PRP4K: variants seen among roughly 807,000 people sequenced by gnomAD.
PRP4K encodes serine/threonine-protein kinase PRP4 homolog.
the PRP4K span, chr6:4,040,742 A>C: frequency 8.1e-6 from 13 of 1,603,448 alleles, 1 homozygote; most frequent in South Asian, 1.4e-4. Context: ...ATTTAAAAAA[A>C]TGTATACCTG....
chr6:4,043,721 C>T, the PRP4K span: 3 of 1,215,492 alleles, frequency 2.5e-6, no homozygotes, highest in Non-Finnish European at 3.5e-6. Flanking sequence ...GATACGTTCT[C>T]TTAACTTTTC....
At chr6:4,045,308 A>C in the PRP4K span, among the ~76,000 whole-genome samples, 5 of 152,346 alleles carry the variant, frequency 3.3e-5, no homozygotes, top group Admixed American at 6.5e-5. Context: ...TACAGAAAGA[A>C]GCAGCCAGCT....
the PRP4K span, among the ~76,000 whole-genome samples, chr6:4,053,813 G>A: frequency 6.6e-6 from 1 of 152,176 alleles, no homozygotes; most frequent in African/African-American, 2.4e-5. Context: ...GAGAGATCCT[G>A]AAGACTAAAA....
the PRP4K span, chr6:4,043,753 G>T: frequency 1.3e-6 from 2 of 1,495,424 alleles, no homozygotes; most frequent in Non-Finnish European, 1.8e-6. Context: ...TCTTAGCCAT[G>T]AATGTATTTG....
chr6:4,057,530 G>A, the PRP4K span, among the ~76,000 whole-genome samples: 1 of 152,190 alleles, frequency 6.6e-6, no homozygotes, highest in African/African-American at 2.4e-5. Context: ...AGTGGTCAGA[G>A]AATGAATAGG....
chr6:4,055,102 G>T, the PRP4K span, among the ~76,000 whole-genome samples: 1 of 152,170 alleles, frequency 6.6e-6, no homozygotes, highest in Non-Finnish European at 1.5e-5. Context: ...GTATCAGTGT[G>T]GTTTAAGTAC....
the PRP4K span, among the ~76,000 whole-genome samples, chr6:4,021,753 C>G: frequency 8.5e-5 from 13 of 152,322 alleles, no homozygotes; most frequent in African/African-American, 3.1e-4. Context: ...TGGCGGCTGC[C>G]GCGGCAGTGA....
At chr6:4,052,010 A>T in the PRP4K span, 1 of 1,604,618 alleles carries the variant, frequency 6.2e-7, no homozygotes, top group Non-Finnish European at 8.5e-7. Flanking sequence ...AATGATGCTG[A>T]TCCTGATGAC....
chr6:4,043,739 C>A, the PRP4K span: 1 of 1,390,090 alleles, frequency 7.2e-7, no homozygotes, highest in Non-Finnish European at 1.0e-6. Flanking sequence ...TTCACTGCAG[C>A]AACTCTTAGC....
chr6:4,047,617 T>C, the PRP4K span, among the ~76,000 whole-genome samples: 1 of 152,168 alleles, frequency 6.6e-6, no homozygotes, highest in South Asian at 2.1e-4. Context: ...GCCTCTATAT[T>C]ATATTAGTAG....
At chr6:4,042,600 TGTA>T in the PRP4K span, 1 of 1,546,822 alleles carries the variant, frequency 6.5e-7, no homozygotes, top group Non-Finnish European at 8.8e-7. Flanking sequence ...TAACCATTAT[TGTA>T]GTAAAAGATT....
chr6:4,029,938 CTT>C, the PRP4K span, among the ~76,000 whole-genome samples: 42 of 133,688 alleles, frequency 3.1e-4, no homozygotes, highest in Admixed American at 3.0e-4. Context: ...TGTTTTCTTT[CTT>C]TTTTTTTTTT....
chr6:4,045,984 C>T, the PRP4K span, among the ~76,000 whole-genome samples: 9 of 152,122 alleles, frequency 5.9e-5, no homozygotes, highest in African/African-American at 2.2e-4. Flanking sequence ...ATACTTAGAT[C>T]GATATACTTT....
chr6:4,059,831 A>G, the PRP4K span, among the ~76,000 whole-genome samples: 1 of 152,094 alleles, frequency 6.6e-6, no homozygotes, highest in South Asian at 2.1e-4. Context: ...TTTTTAGTAG[A>G]GATGGGTTTT....
chr6:4,059,127 A>G, the PRP4K span, among the ~76,000 whole-genome samples: 2 of 152,342 alleles, frequency 1.3e-5, no homozygotes, highest in South Asian at 2.1e-4. Context: ...TTCTGAAAAC[A>G]TATCTGGTCA....
chr6:4,027,003 T>TGTGG, the PRP4K span, among the ~76,000 whole-genome samples: 1 of 152,142 alleles, frequency 6.6e-6, no homozygotes, highest in Non-Finnish European at 1.5e-5. Context: ...AGGAACATGG[T>TGTGG]GTGGCTGGAG....
chr6:4,031,138 G>A, the PRP4K span, among the ~76,000 whole-genome samples: 4,690 of 152,248 alleles, frequency 0.031, 252 homozygotes, highest in East Asian at 0.14. Flanking sequence ...ATAGTTAGTA[G>A]GTCTTATTAA....
the PRP4K span, chr6:4,056,675 C>T: frequency 7.1e-6 from 11 of 1,555,264 alleles, no homozygotes; most frequent in Admixed American, 1.7e-5. Context: ...GAAGACTGCT[C>T]TTGATTATTC....
At chr6:4,057,275 A>G in the PRP4K span, 1 of 1,398,874 alleles carries the variant, frequency 7.1e-7, no homozygotes, top group African/African-American at 1.5e-5. Flanking sequence ...AGTGAGCTAT[A>G]AAACAAAAAT....
Sources: gnomAD v4.1 joint callset for allele counts (sites outside exome capture counted in the v4.1 genomes callset) on GRCh38, gnomAD v4.1.1 for gene constraint, MANE v1.5 for transcripts, NCBI Gene and HGNC (gene_info 2026-07-23, HGNC 2026-07-21) for gene names.